Variants in PALM2AKAP2 observed in about 807,000 individuals in gnomAD.
PALM2AKAP2 encodes the protein PALM2 and AKAP2 fusion.
PALM2AKAP2 carries 37 observed loss-of-function variants against 71.5 expected under a neutral mutation model. That is an observed-to-expected ratio of 0.52 (90% CI 0.40 to 0.68). PALM2AKAP2 has a LOEUF of 0.68. PALM2AKAP2 is among the 30% of genes least tolerant of loss of function. PALM2AKAP2 has a pLI of 0.00. For missense variants in PALM2AKAP2, 1,224 were observed against 1,191.8 expected (o/e 1.03, Z -0.40); for synonymous variants, 468 against 478.8 (o/e 0.98, Z 0.29).
At chr9:109,644,500 A>T (rs1007229707) in intron 1 of PALM2AKAP2, among the ~76,000 whole-genome samples, 1 of 152,230 alleles carries the variant, frequency 6.6e-6, no homozygotes, top group Non-Finnish European at 1.5e-5. Flanking sequence ...CAAAACAGTC[A>T]TGATTCTCTT....
chr9:109,994,984 C>T (rs1588049357), intron 6 of PALM2AKAP2, among the ~76,000 whole-genome samples: 1 of 152,202 alleles, frequency 6.6e-6, no homozygotes, highest in East Asian at 1.9e-4. Flanking sequence ...AGCATGTCTA[C>T]AAGCCACCAG....
At chr9:110,150,098 A>G (rs1224495507) in intron 2 of PALM2AKAP2, among the ~76,000 whole-genome samples, 1 of 152,200 alleles carries the variant, frequency 6.6e-6, no homozygotes, top group Non-Finnish European at 1.5e-5. Flanking sequence ...TCATGACAGG[A>G]TCAATGCCCT....
intron 1 of PALM2AKAP2, among the ~76,000 whole-genome samples, chr9:110,098,164 G>C (rs1834909004): frequency 6.6e-6 from 1 of 151,102 alleles, no homozygotes; most frequent in South Asian, 2.1e-4. Flanking sequence ...AGAGGGGAGA[G>C]GGGAGAGGGG....
intron 5 of PALM2AKAP2, among the ~76,000 whole-genome samples, chr9:109,930,858 C>G (rs1310864920): frequency 6.6e-6 from 1 of 152,158 alleles, no homozygotes; most frequent in Non-Finnish European, 1.5e-5. Flanking sequence ...CCCAGGTGAA[C>G]TGCAGTGCTC....
chr9:110,072,100 A>G (rs1368960169), intron 1 of PALM2AKAP2, among the ~76,000 whole-genome samples: 1 of 152,208 alleles, frequency 6.6e-6, no homozygotes, highest in East Asian at 1.9e-4. Flanking sequence ...ACCTATTGGT[A>G]AAATATAGAA....
chr9:109,957,076 A>G lies in PALM2AKAP2; in HGVS notation c.496+25048A>G, dbSNP rs1251236556. ...AGGTGCCTGTCATGCTGTTCCTTTT[A>G]TAAGGATTGAATCGAGTACATCAGT... is the stretch of plus-strand genomic sequence containing the variant. On this transcript the variant is annotated intron_variant, in intron 6 of 9. Transcript: ENST00000302798. Among the ~76,000 whole-genome samples, 17 of 152,210 alleles carry G rather than the reference A, an allele frequency of 1.1e-4. 1 individual carries two copies. Among genetic ancestry groups the G allele is most frequent in the Admixed American group, 1.1e-3 (17 of 15,284 alleles).
chr9:110,096,070 G>A (rs558644567), intron 1 of PALM2AKAP2, among the ~76,000 whole-genome samples: 3 of 152,216 alleles, frequency 2.0e-5, no homozygotes, highest in Non-Finnish European at 2.9e-5. Context: ...TATGGAGGGT[G>A]AGGTGTTTCT....
At chr9:109,698,272 A>ATTTTTTT (rs774359983) in intron 1 of PALM2AKAP2, among the ~76,000 whole-genome samples, 5 of 118,566 alleles carry the variant, frequency 4.2e-5, no homozygotes, top group African/African-American at 1.4e-4. Context: ...TGTGTGCTAC[A>ATTTTTTT]TTTTTTTTTT....
upstream of PALM2AKAP2, chr9:109,780,158 AC>A (rs1321755461): frequency 3.3e-5 from 12 of 368,824 alleles, no homozygotes; most frequent in Non-Finnish European, 4.5e-5. Context: ...AGGGCGGAGA[AC>A]TAGCGCCGGG....
intron 6 of PALM2AKAP2, among the ~76,000 whole-genome samples, chr9:109,952,127 A>AAT (rs1213250460): frequency 2.0e-5 from 3 of 152,214 alleles, no homozygotes; most frequent in Non-Finnish European, 4.4e-5. Flanking sequence ...TGTTACAACT[A>AAT]CTCAGCTCTG....
Position 110,100,081 on chromosome 9 carries a change from A to ATATATATATATATATC in PALM2AKAP2, c.157-36046_157-36045insTATATATATATATATC, listed in dbSNP as rs1554751767. On this transcript the variant is annotated intron_variant, in intron 1 of 3. Coordinates refer to ENST00000374525, the Ensembl canonical transcript of PALM2AKAP2. ...TATATATATATATATATATATATATAGAAACATAAATATTTTATCAAGTTG... is the reference window on the plus strand; with the variant it reads ...TATATATATATATATATATATATATATATATATATATATATCGAAACATAAATATTTTATCAAGTTG... Among the ~76,000 whole-genome samples, 146 of 144,366 alleles carry ATATATATATATATATC rather than the reference A, an allele frequency of 1.0e-3. 2 individuals are homozygous for ATATATATATATATATC. The highest frequency in any genetic ancestry group is 7.8e-3 in the Admixed American group (109 of 14,064). The allele number at this position is 144,366 out of a possible 152,430, so 94.7% of individuals were successfully genotyped here. A position where few individuals can be genotyped will look rare whatever the true frequency, so the allele number is the denominator to read the frequency against.
chr9:109,825,037 G>A (rs975869970), intron 1 of PALM2AKAP2, among the ~76,000 whole-genome samples: 2 of 152,210 alleles, frequency 1.3e-5, no homozygotes, highest in African/African-American at 4.8e-5. Context: ...AACACGTAAT[G>A]TAGCTGAATT....
intron 1 of PALM2AKAP2, among the ~76,000 whole-genome samples, chr9:110,112,870 G>A: frequency 6.6e-6 from 1 of 152,190 alleles, no homozygotes; most frequent in East Asian, 1.9e-4. Context: ...TTGTTTTGAG[G>A]AATAAATGTA....
chr9:110,058,869 C>A (rs539075972), intron 1 of PALM2AKAP2, among the ~76,000 whole-genome samples: 41 of 144,998 alleles, frequency 2.8e-4, no homozygotes, highest in Non-Finnish European at 5.7e-4. Context: ...AATGAGTATG[C>A]TTATTGTATA....
chr9:109,746,115 C>T (rs1158569350), intron 1 of PALM2AKAP2, among the ~76,000 whole-genome samples: 1 of 152,160 alleles, frequency 6.6e-6, no homozygotes, highest in Admixed American at 6.5e-5. Flanking sequence ...CTTGCTCGGG[C>T]CTTGCCTTAT....
intron 6 of PALM2AKAP2, among the ~76,000 whole-genome samples, chr9:109,939,030 A>AAAT (rs762732203): frequency 2.0e-5 from 3 of 151,984 alleles, no homozygotes; most frequent in African/African-American, 2.4e-5. Flanking sequence ...CTCTGTCTCA[A>AAAT]AATAATAATA....
intron 1 of PALM2AKAP2, among the ~76,000 whole-genome samples, chr9:109,712,300 A>G (rs936832589): frequency 4.6e-5 from 7 of 152,228 alleles, no homozygotes; most frequent in African/African-American, 1.7e-4. Flanking sequence ...ATATCTACTG[A>G]CAAAAGAGAA....
intron 1 of PALM2AKAP2, among the ~76,000 whole-genome samples, chr9:110,081,016 A>T (rs1834437251): frequency 6.6e-6 from 1 of 152,210 alleles, no homozygotes; most frequent in African/African-American, 2.4e-5. Flanking sequence ...CTCAGAGGAA[A>T]CCAATGAACT....
At chr9:109,862,862 A>G (rs1311171070) in intron 1 of PALM2AKAP2, 1 of 506,208 alleles carries the variant, frequency 2.0e-6, no homozygotes, top group South Asian at 1.5e-5. Context: ...AGGAAGCAAT[A>G]AGAACAAAAC....
Sources: gnomAD v4.1 joint callset for allele counts (sites outside exome capture counted in the v4.1 genomes callset) on GRCh38, gnomAD v4.1.1 for gene constraint, MANE v1.5 for transcripts, NCBI Gene and HGNC (gene_info 2026-07-23, HGNC 2026-07-21) for gene names.